GLIS3: variants seen among roughly 807,000 people sequenced by gnomAD.
GLIS3 encodes the protein zinc finger protein GLIS3.
Under a neutral mutation model 78.6 loss-of-function variants are expected in GLIS3, and 53 were observed. The observed-to-expected ratio is 0.67, with a 90% CI of 0.54 to 0.85. The LOEUF (loss-of-function observed/expected upper bound fraction) is 0.85. GLIS3 is among the 40% of genes least tolerant of loss of function. The pLI, the probability that GLIS3 is intolerant of heterozygous loss-of-function variation, is 0.00. For synonymous variants in GLIS3, 684 were observed against 509.9 expected (o/e 1.34, Z -4.60); for missense variants, 1,703 against 1,231.1 (o/e 1.38, Z -5.74).
chr9:4,456,547 A>ATT, the GLIS3 span, among the ~76,000 whole-genome samples: 2 of 152,168 alleles, frequency 1.3e-5, no homozygotes, highest in Non-Finnish European at 2.9e-5. Context: ...AGCACTTCTA[A>ATT]TTTCTTCCAA....
chr9:4,005,213 G>A (rs1821445583), intron 4 of GLIS3, among the ~76,000 whole-genome samples: 1 of 152,194 alleles, frequency 6.6e-6, no homozygotes, highest in Admixed American at 6.5e-5. Context: ...AGGTGGAATA[G>A]GGCAGGCAAT....
chr9:4,118,278 G>T lies in GLIS3; in HGVS notation c.1200C>A (p.His400Gln). ...LEHERMQQLE[H>Q]GGLQPGLVNH... ...TGACCAGGCCTGGCTGCAGGCCGCC[G>T]TGCTCCAGCTGTTGCATGCGCTCGT... Residue 400 changes from histidine to glutamine, a missense_variant, in exon 4 of 11, where the codon CAC becomes CAA. By Grantham distance (24) the His-to-Gln change is conservative. Transcript: ENST00000381971. This position sits in a 1 kb window ranked among gnomAD's most constrained non-coding sequence, Gnocchi z 4.7. 6.3e-7 allele frequency: 1 copy of T among 1,585,182 alleles called. No individual in the cohort carries two copies. Among genetic ancestry groups the T allele is most frequent in the Non-Finnish European group, 8.6e-7 (1 of 1,166,866 alleles).
intron 2 of GLIS3, among the ~76,000 whole-genome samples, chr9:4,319,048 A>G (rs1817481092): frequency 1.3e-5 from 2 of 152,208 alleles, no homozygotes; most frequent in South Asian, 4.1e-4. Context: ...GCTGGCCTGT[A>G]CTCTTCAAAA....
chr9:4,462,002 AT>A, the GLIS3 span, among the ~76,000 whole-genome samples: 1 of 152,178 alleles, frequency 6.6e-6, no homozygotes, highest in Non-Finnish European at 1.5e-5. Context: ...AGATCTACAA[AT>A]TTTCTGGTAC....
chr9:3,915,049 T>C (rs370717370), intron 6 of GLIS3, among the ~76,000 whole-genome samples: 77 of 152,210 alleles, frequency 5.1e-4, no homozygotes, highest in African/African-American at 1.9e-3. Context: ...CTTTTGATGC[T>C]TTGGTGAAAT....
chr9:4,080,370 A>T (rs1378747418), intron 4 of GLIS3, among the ~76,000 whole-genome samples: 1 of 152,140 alleles, frequency 6.6e-6, no homozygotes. Context: ...GGGGCTCCAA[A>T]AACTCAGTAA....
chr9:4,020,112 C>A (rs951429546), intron 4 of GLIS3, among the ~76,000 whole-genome samples: 3 of 151,990 alleles, frequency 2.0e-5, no homozygotes, highest in Non-Finnish European at 4.4e-5. Flanking sequence ...TGAGAAAAGC[C>A]TTGAAGGAGG....
At chr9:4,059,224 T>C (rs188480469) in intron 4 of GLIS3, among the ~76,000 whole-genome samples, 1 of 152,346 alleles carries the variant, frequency 6.6e-6, no homozygotes, top group Admixed American at 6.5e-5. Context: ...TTTTTCTCTA[T>C]GCTTTATGCT....
intron 9 of GLIS3, among the ~76,000 whole-genome samples, chr9:3,838,036 T>C (rs369851056): frequency 2.0e-5 from 3 of 152,112 alleles, no homozygotes; most frequent in African/African-American, 7.2e-5. Flanking sequence ...CCCTGCACTT[T>C]CCACTACATT....
At chr9:3,889,833 A>C (rs1276140197) in intron 7 of GLIS3, among the ~76,000 whole-genome samples, 3 of 152,248 alleles carry the variant, frequency 2.0e-5, no homozygotes, top group Admixed American at 6.5e-5. Flanking sequence ...TTCTCAGGCC[A>C]TGCAAAATCA....
At chr9:4,102,458 C>G (rs539593405) in intron 4 of GLIS3, among the ~76,000 whole-genome samples, 2 of 152,222 alleles carry the variant, frequency 1.3e-5, no homozygotes, top group South Asian at 2.1e-4. Flanking sequence ...GTTTCTCAAC[C>G]AGGGGCAGTT....
At chr9:4,351,396 C>CA (rs5896064), upstream of GLIS3, among the ~76,000 whole-genome samples, 1,227 of 113,404 alleles carry the variant, frequency 0.011, 26 homozygotes, top group African/African-American at 0.037. Context: ...CAGAGTGTCT[C>CA]AAAAAAAAAA....
chr9:4,243,679 A>T (rs1823539018), intron 2 of GLIS3, among the ~76,000 whole-genome samples: 1 of 152,212 alleles, frequency 6.6e-6, no homozygotes, highest in African/African-American at 2.4e-5. Flanking sequence ...ATCATTGTGG[A>T]TCACTAAGGA....
chr9:4,144,478 A>C (rs1047789666), intron 2 of GLIS3, among the ~76,000 whole-genome samples: 2 of 152,234 alleles, frequency 1.3e-5, no homozygotes, highest in Non-Finnish European at 2.9e-5. Flanking sequence ...GTCAAATGAA[A>C]ATTCAAAACC....
intron 2 of GLIS3, among the ~76,000 whole-genome samples, chr9:4,261,026 C>T (rs547941619): frequency 6.6e-6 from 1 of 152,300 alleles, no homozygotes; most frequent in East Asian, 1.9e-4. Flanking sequence ...GTCAACACTG[C>T]TCTAAAGACA....
At chr9:4,145,680 A>C in intron 2 of GLIS3, among the ~76,000 whole-genome samples, 1 of 150,118 alleles carries the variant, frequency 6.7e-6, no homozygotes, top group African/African-American at 2.4e-5. Flanking sequence ...TAACATCTCA[A>C]ACTTCCCTCT....
At chr9:4,320,012 T>C (rs1807837473) in intron 2 of GLIS3, among the ~76,000 whole-genome samples, 1 of 43,332 alleles carries the variant, frequency 2.3e-5, no homozygotes, top group Non-Finnish European at 6.6e-5. Flanking sequence ...TGTGTGTGTG[T>C]GTGTGTGTGT....
chr9:4,131,405 A>G (rs1311365853), intron 2 of GLIS3, among the ~76,000 whole-genome samples: 1 of 152,170 alleles, frequency 6.6e-6, no homozygotes, highest in Non-Finnish European at 1.5e-5. Flanking sequence ...TCTCATGTTC[A>G]ATTGTAATGC....
chr9:4,235,716 GA>G (rs140558922), intron 2 of GLIS3, among the ~76,000 whole-genome samples: 5,930 of 151,132 alleles, frequency 0.039, 398 homozygotes, highest in African/African-American at 0.14. Context: ...CCCCAAGCTA[GA>G]AAAAAAAATC....
Sources: allele counts gnomAD v4.1 joint callset (sites outside exome capture counted in the v4.1 genomes callset), GRCh38; gene constraint gnomAD v4.1.1; non-coding constraint Gnocchi (gnomAD v3.1); transcripts MANE v1.5; gene names NCBI Gene and HGNC (gene_info 2026-07-23, HGNC 2026-07-21).